RHOT1: variants seen among roughly 807,000 people sequenced by gnomAD.
The protein encoded by RHOT1 is ras homolog family member T1.
Under a neutral mutation model 95.3 loss-of-function variants are expected in RHOT1, and 27 were observed. The observed-to-expected ratio is 0.28, with a 90% confidence interval of 0.21 to 0.39. The LOEUF is 0.39. Ranked by LOEUF, RHOT1 falls within the 10% of genes least tolerant of loss-of-function variation. RHOT1 has a pLI of 1.00. For missense variants in RHOT1, 578 were observed against 786.7 expected (o/e 0.73, Z 3.17); for synonymous variants, 227 against 263.5 (o/e 0.86, Z 1.34).
chr17:32,163,604 C>T (rs1403795902), intron 1 of RHOT1, among the ~76,000 whole-genome samples: 1 of 151,940 alleles, frequency 6.6e-6, no homozygotes, highest in African/African-American at 2.4e-5. Context: ...ATGGTGCGCA[C>T]CTGTAATCCC....
rs561383645 is a variant in RHOT1, at chr17:32,220,022, C to T, written c.1863-4594C>T. 6.6e-4 allele frequency among the ~76,000 whole-genome samples: 101 copies of T among 152,246 alleles called. 1 individual carries two copies. Among genetic ancestry groups the T allele is most frequent in the African/African-American group, 2.3e-3 (96 of 41,528 alleles). ...TCTGGAAAGTCTATCTTAATGAAAA[C>T]ATCCTAAATATAGAGAAAAATTTTA... On this transcript the variant is annotated intron_variant, in intron 19 of 19. Coordinates refer to ENST00000545287, the MANE Select transcript of RHOT1 (RefSeq NM_001033566.3).
chr17:32,203,578 C>T (rs1318393252), intron 15 of RHOT1, among the ~76,000 whole-genome samples: 1 of 152,064 alleles, frequency 6.6e-6, no homozygotes, highest in African/African-American at 2.4e-5. Flanking sequence ...GGGTATTAAT[C>T]TCGATCAGAC....
chr17:32,166,138 A>G (rs992571895), intron 1 of RHOT1, among the ~76,000 whole-genome samples: 20 of 151,480 alleles, frequency 1.3e-4, no homozygotes, highest in African/African-American at 4.1e-4. Flanking sequence ...CAGTGAGCCA[A>G]GATTGTGCCA....
intron 8 of RHOT1, among the ~76,000 whole-genome samples, chr17:32,186,710 G>A (rs888299182): frequency 6.6e-6 from 1 of 152,086 alleles, no homozygotes; most frequent in Non-Finnish European, 1.5e-5. Context: ...CATCCAGGCT[G>A]GAGTACAGTG....
intron 1 of RHOT1, among the ~76,000 whole-genome samples, chr17:32,169,109 C>T (rs73989715): frequency 9.9e-4 from 151 of 152,280 alleles, no homozygotes; most frequent in African/African-American, 3.6e-3. Context: ...GTTCATAGCC[C>T]TCTCTAAGCT....
At chr17:32,154,888 C>T (rs1022146726) in intron 1 of RHOT1, among the ~76,000 whole-genome samples, 1 of 148,304 alleles carries the variant, frequency 6.7e-6, no homozygotes, top group Non-Finnish European at 1.5e-5. Context: ...AGCAAGGATC[C>T]ATCTAAAAAA....
intron 1 of RHOT1, chr17:32,150,895 G>A: frequency 1.3e-6 from 2 of 1,545,892 alleles, no homozygotes; most frequent in African/African-American, 2.8e-5. Flanking sequence ...ACTGGGGGAT[G>A]TTCTGGGGGA....
chr17:32,150,944 G>A, intron 1 of RHOT1: 1 of 1,550,282 alleles, frequency 6.5e-7, no homozygotes, highest in East Asian at 2.2e-5. Context: ...TATCTGGTTT[G>A]GTTGCTTTGC....
At chr17:32,209,438 A>G (rs368482776) in intron 18 of RHOT1, 38 of 1,591,252 alleles carry the variant, frequency 2.4e-5, no homozygotes, top group Non-Finnish European at 9.5e-6. Flanking sequence ...CTTTCTAAAA[A>G]CTGCTTTGTA....
Position 32,211,228 on chromosome 17 carries a change from G to C in RHOT1, c.1852G>C (p.Val618Leu), listed in dbSNP as rs781373699. ...QSVKNKIFTA[V>L]LNRHVTQADL... ...TGTAAAGAACAAAATCTTCACTGCA[G>C]TTCTTAACAGGTTCTTAACTTTATT... Residue 618 changes from valine to leucine, a missense_variant, in exon 19 of 20, where the codon GTT (valine) becomes CTT (leucine). By Grantham distance (32) the Val-to-Leu change is conservative. Transcript: ENST00000545287. 1.2e-6 allele frequency: 2 copies of C among 1,606,454 alleles called. No homozygotes were observed. Among genetic ancestry groups the C allele is most frequent in the Non-Finnish European group, 1.7e-6 (2 of 1,174,736 alleles).
intron 19 of RHOT1, among the ~76,000 whole-genome samples, chr17:32,214,313 G>A (rs1026142287): frequency 1.3e-5 from 2 of 152,194 alleles, no homozygotes; most frequent in East Asian, 3.8e-4. Context: ...CTGGCCGTTT[G>A]TTGTTGTACA....
chr17:32,149,773 G>A (rs189663450), intron 1 of RHOT1, among the ~76,000 whole-genome samples: 72 of 151,198 alleles, frequency 4.8e-4, no homozygotes, highest in African/African-American at 1.7e-3. Flanking sequence ...AGAGAGAAGA[G>A]AGTCTCACTC....
chr17:32,180,251 T>C (rs566081336), intron 6 of RHOT1, among the ~76,000 whole-genome samples: 50 of 151,902 alleles, frequency 3.3e-4, no homozygotes, highest in African/African-American at 1.1e-3. Flanking sequence ...AGAGATCAGA[T>C]TGTTACTGTG....
intron 1 of RHOT1, among the ~76,000 whole-genome samples, chr17:32,165,516 CT>C (rs1051909766): frequency 1.3e-5 from 2 of 148,596 alleles, no homozygotes; most frequent in Non-Finnish European, 1.5e-5. Flanking sequence ...GAGAGAGACC[CT>C]GTCTCAAAAA....
intron 8 of RHOT1, among the ~76,000 whole-genome samples, chr17:32,185,941 C>G (rs926944548): frequency 1.3e-5 from 2 of 151,960 alleles, no homozygotes; most frequent in African/African-American, 2.4e-5. Flanking sequence ...AGGCTGGTCT[C>G]AAACTCCTGG....
At chr17:32,169,047 G>A (rs2034349855) in intron 1 of RHOT1, among the ~76,000 whole-genome samples, 1 of 152,138 alleles carries the variant, frequency 6.6e-6, no homozygotes, top group Non-Finnish European at 1.5e-5. Context: ...ATCAGAGCTC[G>A]AAGACACCTG....
intron 1 of RHOT1, among the ~76,000 whole-genome samples, chr17:32,157,950 G>A (rs183567493): frequency 6.6e-6 from 1 of 152,108 alleles, no homozygotes; most frequent in African/African-American, 2.4e-5. Context: ...GCTCACTGCA[G>A]CCTCAACTTC....
chr17:32,163,750 A>C (rs1035059435), intron 1 of RHOT1, among the ~76,000 whole-genome samples: 1 of 152,108 alleles, frequency 6.6e-6, no homozygotes, highest in African/African-American at 2.4e-5. Flanking sequence ...AAAGGGAAAA[A>C]AAAAACAAAG....
chr17:32,205,385 T>TA (rs1260760288), intron 16 of RHOT1, among the ~76,000 whole-genome samples: 7 of 152,246 alleles, frequency 4.6e-5, no homozygotes, highest in African/African-American at 1.2e-4. Flanking sequence ...TCTATTTTTT[T>TA]AAAAAAATAT....
Sources: allele counts gnomAD v4.1 joint callset (sites outside exome capture counted in the v4.1 genomes callset), GRCh38; gene constraint gnomAD v4.1.1; transcripts MANE v1.5; gene names NCBI Gene and HGNC (gene_info 2026-07-23, HGNC 2026-07-21).